Variants in FGFRL1 observed in about 807,000 individuals in gnomAD.
FGFRL1 encodes fibroblast growth factor receptor like 1, also known as fibroblast growth factor receptor-like 1.
Under a neutral mutation model 36.8 loss-of-function variants are expected in FGFRL1, and 24 were observed. The ratio of observed to expected loss-of-function variants is 0.65; its 90% CI spans 0.47 to 0.92. The LOEUF (loss-of-function observed/expected upper bound fraction) is 0.92. FGFRL1 is among the 40% of genes least tolerant of loss of function. FGFRL1 has a pLI of 0.00. For missense variants in FGFRL1, 785 were observed against 753.4 expected, an observed-to-expected ratio of 1.04 and a Z score of -0.49; for synonymous variants, 422 against 344.1, an observed-to-expected ratio of 1.23 and a Z score of -2.50.
chr4:1,025,642 C>A lies in FGFRL1; in HGVS notation c.*295C>A, dbSNP rs73070424. 3,014 of 513,192 alleles carry A rather than the reference C, an allele frequency of 5.9e-3. 71 individuals carry two copies. The highest frequency in any genetic ancestry group is 0.053 in the African/African-American group (2,732 of 51,922). 31.8% of individuals were successfully genotyped at this position (513,192 alleles called of 1,614,324 possible). On this transcript the variant is annotated 3_prime_UTR_variant, in exon 7 of 7. Transcript: ENST00000510644. ...CACACAGATAAGCTGCCCAAATGCACGCACACGCACAGAGACATGCCAGAA... is the reference window on the plus strand; with the variant it reads ...CACACAGATAAGCTGCCCAAATGCAAGCACACGCACAGAGACATGCCAGAA...
chr4:1,012,560 C>G lies in FGFRL1; in HGVS notation c.75C>G (p.Ala25=), dbSNP rs1225897688. Residue 25 remains alanine (A), a synonymous_variant, in exon 2 of 7, where the codon GCC becomes GCG. Transcript: ENST00000510644. Reference sequence around the variant, plus strand: ...GGGCCTTCCCGCCGGCCGCCGCCGCCCGAGGTGAGTTCTGGCGCCCAGCCC... The same window carrying G: ...GGGCCTTCCCGCCGGCCGCCGCCGCGCGAGGTGAGTTCTGGCGCCCAGCCC... The part of the protein sequence containing the change: ...LLGAFPPAAA[A]RGPPKMADKV... 3 of 1,432,356 alleles carry G rather than the reference C, an allele frequency of 2.1e-6. No individual in the cohort carries two copies. The Admixed American group carries it at 6.5e-5, about 31-fold the overall frequency. 88.7% of individuals were successfully genotyped at this position (1,432,356 alleles called of 1,614,324 possible).
chr4:1,022,107 G>A (rs953299071), intron 2 of FGFRL1, 96 bp from the exon 3 acceptor site: 9 of 957,464 alleles, frequency 9.4e-6, no homozygotes, highest in Middle Eastern at 3.4e-4. Context: ...GCTCAGGCCC[G>A]AGGTCTGTGC....
In FGFRL1 at chr4:1,025,741, AC is replaced by A; in HGVS notation, c.*395del. On this transcript the variant is annotated 3_prime_UTR_variant, in exon 7 of 7. Transcript: ENST00000510644. ...ATGTGCTGCCTGGACACACACACAC[AC>A]ACGGATATGCTGTCTGGACGCACAC... 3.3e-6 allele frequency: 1 copy of A among 301,820 alleles called. No individual in the cohort carries two copies. The highest frequency in any genetic ancestry group is 4.2e-5 in the South Asian group (1 of 23,612). 18.7% of individuals were successfully genotyped at this position (301,820 alleles called of 1,614,324 possible).
At chr4:1,015,049 C>T (rs908797108) in intron 2 of FGFRL1, among the ~76,000 whole-genome samples, 13 of 14,566 alleles carry the variant, frequency 8.9e-4, no homozygotes, top group African/African-American at 7.3e-3. Context: ...GGCCTCCAGC[C>T]CCTGGCTTGC....
chr4:1,023,450 C>T lies in FGFRL1; in HGVS notation c.353-191C>T, dbSNP rs1560563995. On this transcript the variant is annotated intron_variant, in intron 3 of 6. Coordinates refer to ENST00000510644, the MANE Select transcript of FGFRL1 (RefSeq NM_001004356.3). The surrounding 1 kb of genome is among the most constrained non-coding windows in gnomAD (Gnocchi z 6.0). The stretch of plus-strand genomic sequence containing the variant: ...CGTGCCCATCAGGGTCACCTGCGCC[C>T]AGTGTGGGCCAGCGGCCCTTGCCCA... Among the ~76,000 whole-genome samples the T allele has an allele frequency of 6.6e-6, 1 of 152,206 alleles. No homozygotes were observed. The highest frequency in any genetic ancestry group is 2.4e-5 in the African/African-American group (1 of 41,462).
intron 2 of FGFRL1, among the ~76,000 whole-genome samples, chr4:1,015,927 A>G (rs1715863395): frequency 6.6e-6 from 1 of 152,212 alleles, no homozygotes; most frequent in African/African-American, 2.4e-5. Context: ...GCGCAGTACC[A>G]TGCACCAGGG....
rs149736560 is a variant in FGFRL1 at position 1,022,815 on chromosome 4, G to A, written c.352+340G>A. The stretch of plus-strand genomic sequence containing the variant: ...GCCGTCGGCTGTGACTTTGAGGCTC[G>A]GGTTTCGGAGTTCAGAGGAGCCGCC... On this transcript the variant is annotated intron_variant, in intron 3 of 6. Coordinates refer to ENST00000510644, the MANE Select transcript of FGFRL1 (RefSeq NM_001004356.3). Among the ~76,000 whole-genome samples, 1,236 of 152,224 alleles carry A rather than the reference G, an allele frequency of 8.1e-3. 17 individuals carry two copies. The highest frequency in any genetic ancestry group is 0.029 in the African/African-American group (1,196 of 41,534).
At position 1,025,001 on chromosome 4, in the gene FGFRL1, T is replaced by C. The variant is rs1336787832; in HGVS notation, c.1169T>C (p.Ile390Thr). The C allele has an allele frequency of 1.2e-6, 2 of 1,610,950 alleles. No individual in the cohort carries two copies. Among genetic ancestry groups the C allele is most frequent in the Non-Finnish European group, 1.7e-6 (2 of 1,179,706 alleles). ...VIGIPAGAVF[I>T]LGTLLLWLCQ... is the part of the protein sequence containing the mutation. ...GGCATCCCAGCCGGCGCTGTCTTCA[T>C]CCTGGGCACCCTGCTCCTGTGGCTT... The change falls in exon 7 of 7, where the codon ATC (isoleucine) becomes ACC (threonine). Residue 390 changes from isoleucine to threonine, a missense_variant. Ile to Thr is a moderately conservative substitution (Grantham distance 89). Transcript: ENST00000510644.
intron 2 of FGFRL1, among the ~76,000 whole-genome samples, chr4:1,020,645 G>T (rs910676975): frequency 1.6e-5 from 2 of 125,978 alleles, no homozygotes; most frequent in African/African-American, 3.1e-5. Flanking sequence ...AGGGGATGGG[G>T]TGGGGACCCA....
In FGFRL1 at chr4:1,024,577, C is replaced by T. The variant is rs760516188; in HGVS notation, c.985C>T (p.Arg329Cys). ...CAATAAGCTGCTCATCACCCGTGCC[C>T]GCCAGGACGATGCGGGCATGTACAT... ...YLNKLLITRARQDDAGMYICL... is the reference protein window; with the variant it reads ...YLNKLLITRACQDDAGMYICL... The change falls in exon 6 of 7, where the codon CGC becomes TGC. Residue 329 changes from arginine to cysteine, a missense_variant. Coordinates refer to ENST00000510644, the MANE Select transcript of FGFRL1 (RefSeq NM_001004356.3). 2.5e-5 allele frequency: 41 copies of T among 1,612,322 alleles called. No homozygotes were observed. Among genetic ancestry groups the T allele is most frequent in the Admixed American group, 3.3e-5 (2 of 59,992 alleles).
Position 1,025,491 on chromosome 4 carries a change from G to T in FGFRL1, c.*144G>T, listed in dbSNP as rs1465314293. ...CCAGGCAGTCTGTGTGTGAGGCATAGCCCCTGGACACACACACACAGACAC... is the reference window on the plus strand; with the variant it reads ...CCAGGCAGTCTGTGTGTGAGGCATATCCCCTGGACACACACACACAGACAC... On this transcript the variant is annotated 3_prime_UTR_variant, in exon 7 of 7. Transcript: ENST00000510644. 9 of 942,186 alleles carry T rather than the reference G, an allele frequency of 9.6e-6. No homozygotes were observed. Among genetic ancestry groups the T allele is most frequent in the African/African-American group, 1.7e-5 (1 of 60,102 alleles). 58.4% of individuals were successfully genotyped at this position (942,186 alleles called of 1,614,324 possible).
chr4:1,013,124 C>T (rs540240605), intron 2 of FGFRL1, among the ~76,000 whole-genome samples: 2 of 152,362 alleles, frequency 1.3e-5, no homozygotes, highest in South Asian at 4.1e-4. Flanking sequence ...GGACAAGTCC[C>T]CAGAGCCGTG....
chr4:1,016,445 G>T (rs1382261580), intron 2 of FGFRL1, among the ~76,000 whole-genome samples: 1 of 152,100 alleles, frequency 6.6e-6, no homozygotes, highest in Non-Finnish European at 1.5e-5. Flanking sequence ...GCTGTACAAG[G>T]TTCTCTCCAG....
chr4:1,014,174 A>G (rs1413522071), intron 2 of FGFRL1, among the ~76,000 whole-genome samples: 1 of 152,216 alleles, frequency 6.6e-6, no homozygotes, highest in Non-Finnish European at 1.5e-5. Context: ...CCGCTGGGTC[A>G]TAAGTTCTGG....
chr4:1,025,114 GGAGACAAGGACCTT>G lies in FGFRL1; in HGVS notation c.1283_1296del (p.Gly428AlafsTer16). 6.2e-7 allele frequency: 1 copy of G among 1,611,324 alleles called. No homozygotes were observed. Among genetic ancestry groups the G allele is most frequent in the Non-Finnish European group, 8.5e-7 (1 of 1,179,346 alleles). ...GCCGGGGACGGCCCGCGACCGCAGC[GGAGACAAGGACCTT>G]CCCTCGTTGGCCGCCCTCAGCGCTG... On this transcript the variant is annotated frameshift_variant, in exon 7 of 7. Coordinates refer to ENST00000510644, the MANE Select transcript of FGFRL1 (RefSeq NM_001004356.3). LOFTEE classifies it high-confidence loss of function.
chr4:1,024,630 C>T lies in FGFRL1; in HGVS notation c.1038C>T (p.Tyr346=), dbSNP rs1312938489. 18 of 1,607,646 alleles carry T rather than the reference C, an allele frequency of 1.1e-5. No homozygotes were observed. In the Admixed American group the frequency reaches 2.7e-4, roughly 24 times the overall value. ...GCCTTGGCGCCAACACCATGGGCTACAGCTTCCGCAGCGCCTTCCTCACCG... is the reference window on the plus strand; with the variant it reads ...GCCTTGGCGCCAACACCATGGGCTATAGCTTCCGCAGCGCCTTCCTCACCG... ...YICLGANTMG[Y]SFRSAFLTVL... is the part of the protein sequence containing the mutation. The change falls in exon 6 of 7, where the codon TAC becomes TAT. Residue 346 remains tyrosine, a synonymous_variant. Coordinates refer to ENST00000510644, the MANE Select transcript of FGFRL1 (RefSeq NM_001004356.3).
At chr4:1,015,342 T>TGCCA (rs752976814) in intron 2 of FGFRL1, among the ~76,000 whole-genome samples, 47 of 152,210 alleles carry the variant, frequency 3.1e-4, no homozygotes, top group Non-Finnish European at 5.7e-4. Context: ...CCTGCCTGCC[T>TGCCA]GCCACTCTCC....
intron 2 of FGFRL1, among the ~76,000 whole-genome samples, chr4:1,021,330 G>T (rs1716168019): frequency 6.6e-6 from 1 of 152,052 alleles, no homozygotes; most frequent in Non-Finnish European, 1.5e-5. Flanking sequence ...TGGAGCCGCA[G>T]CCTTTCTGCT....
chr4:1,026,756 C>G lies in FGFRL1; in HGVS notation c.*1409C>G, dbSNP rs1423189940. 2 of 440,118 alleles carry G rather than the reference C, an allele frequency of 4.5e-6. No homozygotes were observed. Among genetic ancestry groups the G allele is most frequent in the Non-Finnish European group, 9.1e-6 (2 of 218,636 alleles). 27.3% of individuals were successfully genotyped at this position (440,118 alleles called of 1,614,324 possible). A position where few individuals can be genotyped will look rare whatever the true frequency, so the allele number is the denominator to read the frequency against. On this transcript the variant is annotated 3_prime_UTR_variant, in exon 7 of 7. Transcript: ENST00000510644. ...CCTGGTCTTTCAGCCATGCTGATGACCACACCCCGTCCAGGCCAGACACCA... is the reference window on the plus strand; with the variant it reads ...CCTGGTCTTTCAGCCATGCTGATGAGCACACCCCGTCCAGGCCAGACACCA...
Sources: allele counts gnomAD v4.1 joint callset (sites outside exome capture counted in the v4.1 genomes callset), GRCh38; gene constraint gnomAD v4.1.1; non-coding constraint Gnocchi (gnomAD v3.1); transcripts MANE v1.5; gene names NCBI Gene and HGNC (gene_info 2026-07-23, HGNC 2026-07-21).